The following DNAH11 variants were observed in gnomAD, a reference collection of about 807,000 sequenced individuals.
DNAH11 encodes the protein axonemal beta dynein heavy chain 11.
A neutral mutation model predicts 526.0 loss-of-function variants in DNAH11; 442 were observed. The ratio of observed to expected loss-of-function variants is 0.84; its 90% CI spans 0.78 to 0.91. The LOEUF is 0.91. DNAH11 is among the 40% of genes least tolerant of loss of function. The pLI is 0.00. For synonymous variants in DNAH11, 2,461 were observed against 1,935.9 expected, an observed-to-expected ratio of 1.27 and a Z score of -7.12; for missense variants, 6,989 against 5,448.7, an observed-to-expected ratio of 1.28 and a Z score of -8.90.
chr7:21,873,784 C>CTTTTCT (rs1783591078), intron 74 of DNAH11, among the ~76,000 whole-genome samples: 1 of 70,700 alleles, frequency 1.4e-5, no homozygotes, highest in Non-Finnish European at 2.3e-5. Context: ...GAGGAGGTTG[C>CTTTTCT]TTTTTTTTTT....
rs1784054495 is a variant in DNAH11 at position 21,884,607 on chromosome 7, C to CTGCATT, written c.12507+198_12507+199insGCATTT. Among the ~76,000 whole-genome samples the CTGCATT allele has an allele frequency of 2.6e-5, 4 of 152,176 alleles. No individual in the cohort carries two copies. In the South Asian group the frequency reaches 8.3e-4, roughly 31 times the overall value. ...AATCAGAATCTGCATTTTCACAAGT[C>CTGCATT]TTCCAGGTGATCTCTGTGTGTGCTA... On this transcript the variant is annotated intron_variant, in intron 76 of 81. Coordinates refer to ENST00000409508, the MANE Select transcript of DNAH11 (RefSeq NM_001277115.2).
At chr7:21,558,344 T>C (rs1305321661) in intron 2 of DNAH11, among the ~76,000 whole-genome samples, 3 of 152,220 alleles carry the variant, frequency 2.0e-5, no homozygotes, top group East Asian at 1.9e-4. Flanking sequence ...ATAAGGTCCA[T>C]GTGGCTGAAT....
intron 73 of DNAH11, among the ~76,000 whole-genome samples, chr7:21,870,852 C>A (rs1227010913): frequency 2.0e-5 from 3 of 152,136 alleles, no homozygotes; most frequent in African/African-American, 7.2e-5. Flanking sequence ...CTCTTCACTC[C>A]CCACCCCTGT....
chr7:21,804,269 C>G (rs529608153), intron 62 of DNAH11, among the ~76,000 whole-genome samples: 1 of 152,102 alleles, frequency 6.6e-6, no homozygotes, highest in South Asian at 2.1e-4. Flanking sequence ...CCACCACATC[C>G]GGCTAATTTT....
intron 73 of DNAH11, among the ~76,000 whole-genome samples, chr7:21,869,496 GA>G (rs972841899): frequency 8.7e-5 from 13 of 148,924 alleles, no homozygotes; most frequent in East Asian, 7.8e-4. Context: ...TGAGCGAAAA[GA>G]AAAAAAAAAG....
chr7:21,679,757 A>G (rs552946002), intron 30 of DNAH11, among the ~76,000 whole-genome samples: 31 of 152,288 alleles, frequency 2.0e-4, no homozygotes, highest in African/African-American at 6.0e-4. Context: ...ATCTGAAGTC[A>G]GACTGTTGGG....
intron 66 of DNAH11, among the ~76,000 whole-genome samples, chr7:21,843,494 T>C (rs1782295866): frequency 6.6e-6 from 1 of 150,838 alleles, no homozygotes; most frequent in African/African-American, 2.4e-5. Flanking sequence ...TTTTTTTTTT[T>C]TTTTGAGACA....
chr7:21,663,770 T>TA (rs397779093), intron 30 of DNAH11, among the ~76,000 whole-genome samples: 1 of 151,166 alleles, frequency 6.6e-6, no homozygotes, highest in Non-Finnish European at 1.5e-5. Flanking sequence ...TTTTTTTTTT[T>TA]AAAGACACAA....
chr7:21,638,633 G>A (rs141242203), intron 27 of DNAH11, among the ~76,000 whole-genome samples: 15 of 151,574 alleles, frequency 9.9e-5, no homozygotes, highest in Admixed American at 5.9e-4. Flanking sequence ...AGTGTCATTC[G>A]GAAAAGCAAT....
intron 11 of DNAH11, 39 bp downstream of exon 11, chr7:21,588,675 T>C: frequency 1.9e-6 from 3 of 1,600,392 alleles, no homozygotes; most frequent in Non-Finnish European, 2.6e-6. Flanking sequence ...GTTATTCTAA[T>C]GGTACGGGTG....
In DNAH11 at chr7:21,559,893, T is replaced by G. The variant is rs1407666776; in HGVS notation, c.882+101T>G. The G allele has an allele frequency of 1.2e-5, 12 of 1,011,666 alleles. No homozygotes were observed. In the East Asian group the frequency reaches 2.9e-4, roughly 25 times the overall value. The allele number at this position is 1,011,666 out of a possible 1,614,324, so 62.7% of individuals were successfully genotyped here. A position where few individuals can be genotyped will look rare whatever the true frequency, so the allele number is the denominator to read the frequency against. Reference sequence around the variant, plus strand: ...ATTTAACACACTGTCTTTGTATAATTTACTGGTCTGCCCTCTTTTCTTAAT... The same window carrying G: ...ATTTAACACACTGTCTTTGTATAATGTACTGGTCTGCCCTCTTTTCTTAAT... On this transcript the variant is annotated intron_variant, in intron 4 of 81. Transcript: ENST00000409508.
intron 56 of DNAH11, among the ~76,000 whole-genome samples, chr7:21,775,931 A>T (rs928309152): frequency 6.6e-5 from 10 of 152,322 alleles, no homozygotes; most frequent in African/African-American, 2.4e-4. Flanking sequence ...CTGTGGGGGC[A>T]TCCTTAGCAA....
chr7:21,616,734 A>C (rs1185706184), intron 22 of DNAH11, among the ~76,000 whole-genome samples: 1 of 152,184 alleles, frequency 6.6e-6, no homozygotes, highest in Non-Finnish European at 1.5e-5. Flanking sequence ...CTTTGTTCTT[A>C]TTAATGACTC....
At chr7:21,567,113 GGTTATATCAATTACATT>G (rs1783703673) in intron 6 of DNAH11, among the ~76,000 whole-genome samples, 2 of 152,064 alleles carry the variant, frequency 1.3e-5, no homozygotes, top group African/African-American at 2.4e-5. Flanking sequence ...TTTTCTAAAA[GGTTATATCAATTACATT>G]GTTATTATCA....
chr7:21,619,033 G>C (rs1392834987), intron 23 of DNAH11, 67 bp from the exon 24 acceptor site: 1 of 1,595,534 alleles, frequency 6.3e-7, no homozygotes, highest in East Asian at 2.2e-5. Context: ...CATTTCACCA[G>C]CCTTTAGGCA....
At chr7:21,691,386 G>T (rs952259090) in intron 35 of DNAH11, among the ~76,000 whole-genome samples, 2 of 151,344 alleles carry the variant, frequency 1.3e-5, no homozygotes, top group African/African-American at 4.9e-5. Context: ...GCAGCTGCTG[G>T]CTCTGTCCTC....
chr7:21,894,090 T>C (rs1465356728), intron 77 of DNAH11, among the ~76,000 whole-genome samples: 1 of 152,210 alleles, frequency 6.6e-6, no homozygotes, highest in Non-Finnish European at 1.5e-5. Flanking sequence ...AGTTTCACCA[T>C]GTTGGCCAGG....
chr7:21,675,014 C>A (rs1220840423), intron 30 of DNAH11, among the ~76,000 whole-genome samples: 9 of 152,180 alleles, frequency 5.9e-5, no homozygotes, highest in Non-Finnish European at 1.2e-4. Context: ...TTGATAATGT[C>A]CTAGACCAAG....
At chr7:21,821,226 C>G (rs1583735661) in intron 65 of DNAH11, among the ~76,000 whole-genome samples, 2 of 148,502 alleles carry the variant, frequency 1.3e-5, no homozygotes, top group South Asian at 2.1e-4. Flanking sequence ...ATTTCTCTTA[C>G]TAGACATGCA....
Sources: allele counts gnomAD v4.1 joint callset (sites outside exome capture counted in the v4.1 genomes callset), GRCh38; gene constraint gnomAD v4.1.1; transcripts MANE v1.5; gene names NCBI Gene and HGNC (gene_info 2026-07-23, HGNC 2026-07-21).